The following JMJD1C variants were observed in gnomAD, a reference collection of about 807,000 sequenced individuals.
JMJD1C encodes jumonji domain containing 1C.
A neutral mutation model predicts 245.3 loss-of-function variants in JMJD1C; 31 were observed. The ratio of observed to expected loss-of-function variants is 0.13; its 90% CI spans 0.09 to 0.17. The LOEUF (loss-of-function observed/expected upper bound fraction) is 0.17, where lower values mean the gene tolerates loss of function less well. Ranked by LOEUF, JMJD1C falls within the 10% of genes least tolerant of loss-of-function variation. The pLI is 1.00. For missense variants in JMJD1C, 2,691 were observed against 3,000.2 expected, an observed-to-expected ratio of 0.90 and a Z score of 2.41; for synonymous variants, 1,057 against 1,017.4, an observed-to-expected ratio of 1.04 and a Z score of -0.74.
At chr10:63,177,980 AC>A in intron 22 of JMJD1C, 124 bp from the exon 23 acceptor site, 1 of 1,012,270 alleles carries the variant, frequency 9.9e-7, no homozygotes, top group Non-Finnish European at 1.4e-6. Context: ...TTTTTTGGTC[AC>A]CCAGGCTGGA....
chr10:63,349,819 T>C (rs1023462638), intron 2 of JMJD1C, among the ~76,000 whole-genome samples: 8 of 152,148 alleles, frequency 5.3e-5, no homozygotes, highest in Non-Finnish European at 1.2e-4. Flanking sequence ...TTGAGGAAAA[T>C]AGTGATGAAT....
At chr10:63,209,946 G>C (rs775376226) in intron 8 of JMJD1C, among the ~76,000 whole-genome samples, 13 of 152,162 alleles carry the variant, frequency 8.5e-5, no homozygotes, top group Admixed American at 2.0e-4. Context: ...CATCCTTCCA[G>C]AACATGTTTT....
At chr10:63,327,179 C>T (rs1362630542) in intron 2 of JMJD1C, among the ~76,000 whole-genome samples, 1 of 151,940 alleles carries the variant, frequency 6.6e-6, no homozygotes. Flanking sequence ...AGACTGAGAC[C>T]TCGCCTCAAA....
At chr10:63,385,981 G>C (rs1451954765) in intron 1 of JMJD1C, among the ~76,000 whole-genome samples, 2 of 152,026 alleles carry the variant, frequency 1.3e-5, no homozygotes, top group African/African-American at 4.8e-5. Context: ...GGAAACTTAA[G>C]TCTTAAATAG....
rs1841943004 is a variant in JMJD1C at position 63,167,280 on chromosome 10, C to CA, written c.*764dup. ...TAAAACCCCTTTCAACTTTAATGTA[C>CA]AAAGCCATATGTAACACTTGCACTT... On this transcript the variant is annotated 3_prime_UTR_variant, in exon 26 of 26. Coordinates refer to ENST00000399262, the MANE Select transcript of JMJD1C (RefSeq NM_032776.3). 1 of 152,430 alleles carries CA rather than the reference C, an allele frequency of 6.6e-6. No individual in the cohort carries two copies. The highest frequency in any genetic ancestry group is 1.5e-5 in the Non-Finnish European group (1 of 68,002). 9.4% of individuals were successfully genotyped at this position (152,430 alleles called of 1,614,324 possible).
chr10:63,184,964 TTC>T (rs1354108160), intron 20 of JMJD1C, among the ~76,000 whole-genome samples: 1 of 152,078 alleles, frequency 6.6e-6, no homozygotes, highest in Non-Finnish European at 1.5e-5. Flanking sequence ...GGGTCCTGTG[TTC>T]TCTTTTTTTG....
chr10:63,377,774 T>C (rs1946868275), intron 2 of JMJD1C, among the ~76,000 whole-genome samples: 2 of 151,972 alleles, frequency 1.3e-5, no homozygotes, highest in South Asian at 2.1e-4. Flanking sequence ...CACACATCTG[T>C]AGTCCTAGCT....
chr10:63,322,199 G>A (rs1442577835), intron 2 of JMJD1C, among the ~76,000 whole-genome samples: 2 of 152,012 alleles, frequency 1.3e-5, no homozygotes, highest in African/African-American at 4.8e-5. Context: ...ACATGCCTTG[G>A]TTATCAATTT....
intron 1 of JMJD1C, chr10:63,382,694 T>C (rs1309144869): frequency 2.3e-5 from 10 of 440,166 alleles, no homozygotes; most frequent in African/African-American, 1.6e-4. Context: ...GGACATTCAA[T>C]CATTCAACCC....
chr10:63,310,413 T>C (rs1296992905), intron 2 of JMJD1C, among the ~76,000 whole-genome samples: 2 of 152,186 alleles, frequency 1.3e-5, no homozygotes, highest in African/African-American at 4.8e-5. Flanking sequence ...CATTGTTCTA[T>C]TGGTGCAAGA....
intron 22 of JMJD1C, among the ~76,000 whole-genome samples, chr10:63,181,511 C>G (rs1843477837): frequency 6.6e-6 from 1 of 152,108 alleles, no homozygotes; most frequent in Non-Finnish European, 1.5e-5. Flanking sequence ...AAATCATGAT[C>G]TTTTAAGTAT....
At chr10:63,518,438 C>T (rs149827474) in intron 1 of JMJD1C, among the ~76,000 whole-genome samples, 1 of 152,126 alleles carries the variant, frequency 6.6e-6, no homozygotes, top group South Asian at 2.1e-4. Flanking sequence ...TATATTTCGA[C>T]GTGGGGCAAA....
intron 1 of JMJD1C, among the ~76,000 whole-genome samples, chr10:63,394,684 A>C (rs1297885978): frequency 2.6e-5 from 4 of 152,160 alleles, no homozygotes; most frequent in Admixed American, 2.6e-4. Flanking sequence ...GTGTCTACTA[A>C]TAATACAAAA....
Position 63,295,992 on chromosome 10 carries a change from T to C in JMJD1C, c.334-31228A>G. Among the ~76,000 whole-genome samples, 2 of 56,384 alleles carry C rather than the reference T, an allele frequency of 3.5e-5. 1 individual carries two copies. Among genetic ancestry groups the C allele is most frequent in the Non-Finnish European group, 7.0e-5 (2 of 28,564 alleles). The allele number at this position is 56,384 out of a possible 152,430, so 37.0% of individuals were successfully genotyped here. ...GTGTGTGTGTGTGTGTGTGTGTGTG[T>C]GTGTGTGTGTGTATATATATATTTT... is the stretch of plus-strand genomic sequence containing the variant. On this transcript the variant is annotated intron_variant, in intron 2 of 25. Coordinates refer to ENST00000399262, the MANE Select transcript of JMJD1C (RefSeq NM_032776.3).
At position 63,251,883 on chromosome 10, in the gene JMJD1C, G is replaced by A. The variant is rs139012616; in HGVS notation, c.447+12768C>T. Among the ~76,000 whole-genome samples the A allele has an allele frequency of 3.2e-3, 491 of 152,258 alleles. 3 individuals are homozygous for A. Among genetic ancestry groups the A allele is most frequent in the African/African-American group, 0.011 (476 of 41,548 alleles). Reference sequence around the variant, plus strand: ...AAAAATTAGCTGGGCATGGTGGAGTGTGCCTGTAATCCCAACTACTCGGGA... The same window carrying A: ...AAAAATTAGCTGGGCATGGTGGAGTATGCCTGTAATCCCAACTACTCGGGA... On this transcript the variant is annotated intron_variant, in intron 3 of 25. Transcript: ENST00000399262.
At chr10:63,415,738 A>C (rs935586585) in intron 1 of JMJD1C, among the ~76,000 whole-genome samples, 11 of 152,214 alleles carry the variant, frequency 7.2e-5, no homozygotes, top group Non-Finnish European at 1.6e-4. Context: ...TTTTCCTTAA[A>C]ATCGTCTCAT....
intron 1 of JMJD1C, among the ~76,000 whole-genome samples, chr10:63,416,152 G>C (rs1229468473): frequency 6.6e-6 from 1 of 151,986 alleles, no homozygotes; most frequent in East Asian, 1.9e-4. Context: ...AACCAAAGAC[G>C]ATACTTGCGA....
At chr10:63,431,202 A>G (rs903604295) in intron 1 of JMJD1C, among the ~76,000 whole-genome samples, 1 of 152,236 alleles carries the variant, frequency 6.6e-6, no homozygotes, top group African/African-American at 2.4e-5. Context: ...ACTATAACAT[A>G]TATTGACTTA....
Position 63,330,300 on chromosome 10 carries a change from T to G in JMJD1C, c.333+50018A>C, listed in dbSNP as rs542174487. On this transcript the variant is annotated intron_variant, in intron 2 of 25. Coordinates refer to ENST00000399262, the MANE Select transcript of JMJD1C (RefSeq NM_032776.3). ...TTTAGAATATTTTCACAACTTACAA[T>G]GGTTTTTAGAATTTAACATAAGTCA... Among the ~76,000 whole-genome samples, 142 of 152,328 alleles carry G rather than the reference T, an allele frequency of 9.3e-4. 1 individual carries two copies. Among genetic ancestry groups the G allele is most frequent in the Admixed American group, 2.2e-3 (33 of 15,308 alleles).
Sources: allele counts gnomAD v4.1 joint callset (sites outside exome capture counted in the v4.1 genomes callset), GRCh38; gene constraint gnomAD v4.1.1; transcripts MANE v1.5; gene names NCBI Gene and HGNC (gene_info 2026-07-23, HGNC 2026-07-21).